CSMD2: variants seen among roughly 807,000 people sequenced by gnomAD.
CSMD2 encodes CUB and sushi domain-containing protein 2.
Under a neutral mutation model 398.5 loss-of-function variants are expected in CSMD2, and 130 were observed. That is an observed-to-expected ratio of 0.33 (90% CI 0.28 to 0.38). The LOEUF is 0.38. CSMD2 is among the 10% of genes least tolerant of loss of function. CSMD2 has a pLI of 1.00. For synonymous variants in CSMD2, 1,828 were observed against 1,908.5 expected, an observed-to-expected ratio of 0.96 and a Z score of 1.10; for missense variants, 3,829 against 4,764.9, an observed-to-expected ratio of 0.80 and a Z score of 5.78.
At chr1:33,984,542 G>A (rs1341349513) in intron 3 of CSMD2, among the ~76,000 whole-genome samples, 2 of 152,150 alleles carry the variant, frequency 1.3e-5, no homozygotes, top group Non-Finnish European at 2.9e-5. Flanking sequence ...GCTCACGCCT[G>A]CGCTTTGGGA....
intron 13 of CSMD2, among the ~76,000 whole-genome samples, chr1:33,756,226 G>T (rs1648995614): frequency 1.3e-5 from 2 of 152,166 alleles, no homozygotes; most frequent in Admixed American, 1.3e-4. Flanking sequence ...CTAAGTGTAT[G>T]CCTGCAGGAA....
At chr1:33,729,438 T>C (rs948924687) in intron 15 of CSMD2, among the ~76,000 whole-genome samples, 5 of 151,678 alleles carry the variant, frequency 3.3e-5, no homozygotes, top group Non-Finnish European at 7.4e-5. Flanking sequence ...CGGCAGGGAT[T>C]TGGAGGGGAG....
chr1:34,138,873 T>C (rs967147674), intron 1 of CSMD2, among the ~76,000 whole-genome samples: 2 of 152,222 alleles, frequency 1.3e-5, no homozygotes, highest in Non-Finnish European at 2.9e-5. Flanking sequence ...CATGAATGCA[T>C]AAATATGATC....
chr1:34,120,895 C>T (rs1367951748), intron 1 of CSMD2, among the ~76,000 whole-genome samples: 1 of 152,080 alleles, frequency 6.6e-6, no homozygotes, highest in African/African-American at 2.4e-5. Context: ...AAACATGGTC[C>T]CCCTCCTGCC....
At chr1:34,067,330 G>T (rs770274606) in intron 2 of CSMD2, among the ~76,000 whole-genome samples, 3 of 152,216 alleles carry the variant, frequency 2.0e-5, no homozygotes, top group African/African-American at 4.8e-5. Context: ...ATGTACAAAA[G>T]ATGTAAATCT....
intron 5 of CSMD2, among the ~76,000 whole-genome samples, chr1:33,848,342 A>T (rs540071778): frequency 4.6e-5 from 7 of 152,322 alleles, no homozygotes; most frequent in Non-Finnish European, 8.8e-5. Context: ...GCTATAGCCA[A>T]TTTGTGAAAA....
At chr1:34,076,417 T>C (rs962997171) in intron 2 of CSMD2, among the ~76,000 whole-genome samples, 1 of 152,186 alleles carries the variant, frequency 6.6e-6, no homozygotes, top group African/African-American at 2.4e-5. Context: ...CAGATAATTA[T>C]TTACTGTAGA....
At chr1:33,761,690 A>G (rs150255603) in intron 13 of CSMD2, among the ~76,000 whole-genome samples, 52 of 152,316 alleles carry the variant, frequency 3.4e-4, no homozygotes, top group Non-Finnish European at 6.2e-4. Context: ...TGTTCGTCAG[A>G]GCATCCTCAC....
rs114215160 is a variant in CSMD2, at chr1:33,992,334, G to A, written c.517+40260C>T. Among the ~76,000 whole-genome samples the A allele has an allele frequency of 2.3e-3, 344 of 152,150 alleles. 1 individual carries two copies. Among genetic ancestry groups the A allele is most frequent in the African/African-American group, 6.5e-3 (269 of 41,500 alleles). ...CTCCTGGGTAGCTGGGACTATAGGC[G>A]TGCGCCACCATGTTCACCAGGCTCA... On this transcript the variant is annotated intron_variant, in intron 3 of 70. Transcript: ENST00000373381.
At chr1:33,673,305 G>A (rs1012367269) in intron 25 of CSMD2, among the ~76,000 whole-genome samples, 2 of 152,190 alleles carry the variant, frequency 1.3e-5, no homozygotes, top group African/African-American at 2.4e-5. Context: ...CGAGAACTAC[G>A]TGACGAATGC....
chr1:34,033,153 A>C (rs908995586), intron 2 of CSMD2, among the ~76,000 whole-genome samples: 1 of 152,226 alleles, frequency 6.6e-6, no homozygotes, highest in Non-Finnish European at 1.5e-5. Flanking sequence ...TTATTCTTTC[A>C]AAGGAATGTC....
intron 27 of CSMD2, among the ~76,000 whole-genome samples, chr1:33,653,633 G>C (rs943278233): frequency 6.6e-6 from 1 of 152,108 alleles, no homozygotes; most frequent in Admixed American, 6.5e-5. Context: ...ATTTACCTAG[G>C]GACCTTCTGG....
At chr1:34,151,983 C>T (rs977436196) in intron 1 of CSMD2, among the ~76,000 whole-genome samples, 1 of 152,180 alleles carries the variant, frequency 6.6e-6, no homozygotes, top group East Asian at 1.9e-4. Flanking sequence ...GCTAGGACTA[C>T]AGGCACATGC....
chr1:33,615,034 G>A (rs531619442), intron 39 of CSMD2, among the ~76,000 whole-genome samples: 2 of 152,282 alleles, frequency 1.3e-5, no homozygotes, highest in South Asian at 4.1e-4. Context: ...ATGAAGGAAG[G>A]GGACTGGCAT....
At chr1:33,769,047 C>T (rs1329304390) in intron 13 of CSMD2, among the ~76,000 whole-genome samples, 1 of 152,154 alleles carries the variant, frequency 6.6e-6, no homozygotes, top group Non-Finnish European at 1.5e-5. Context: ...TCCTGGCTTC[C>T]TTAAGAAGTG....
At chr1:34,018,226 T>C (rs1445257590) in intron 3 of CSMD2, among the ~76,000 whole-genome samples, 1 of 152,210 alleles carries the variant, frequency 6.6e-6, no homozygotes, top group Non-Finnish European at 1.5e-5. Flanking sequence ...AATAATGCTA[T>C]TATACTTTTA....
chr1:33,749,260 G>A (rs974668501), intron 13 of CSMD2, among the ~76,000 whole-genome samples: 19 of 151,824 alleles, frequency 1.3e-4, no homozygotes, highest in Admixed American at 8.5e-4. Flanking sequence ...CACCTCGCCC[G>A]GCTAATTTTT....
At chr1:34,001,500 A>G (rs150336502) in intron 3 of CSMD2, among the ~76,000 whole-genome samples, 115 of 152,286 alleles carry the variant, frequency 7.6e-4, no homozygotes, top group African/African-American at 2.5e-3. Context: ...TCCGAGGAGA[A>G]CTGCAGCTTA....
intron 25 of CSMD2, among the ~76,000 whole-genome samples, chr1:33,680,503 T>C (rs988758959): frequency 6.6e-6 from 1 of 152,138 alleles, no homozygotes; most frequent in Non-Finnish European, 1.5e-5. Flanking sequence ...GACCCTTTGC[T>C]CAGCATCTGA....
Sources: gnomAD v4.1 joint callset for allele counts (sites outside exome capture counted in the v4.1 genomes callset) on GRCh38, gnomAD v4.1.1 for gene constraint, MANE v1.5 for transcripts, NCBI Gene and HGNC (gene_info 2026-07-23, HGNC 2026-07-21) for gene names.